CEP350: variants seen among roughly 807,000 people sequenced by gnomAD.
CEP350 encodes the protein centrosomal protein 350.
A neutral mutation model predicts 331.8 loss-of-function variants in CEP350; 126 were observed. That is an observed-to-expected ratio of 0.38 (90% CI 0.33 to 0.44). CEP350 has a LOEUF of 0.44. Among genes scored for constraint, CEP350 ranks in the 20% least tolerant of loss-of-function variants. The probability of loss-of-function intolerance (pLI) is 1.00; values close to 1 mark genes in which losing one functional copy is unlikely to be tolerated. For synonymous variants in CEP350, 1,200 were observed against 1,259.5 expected (o/e 0.95, Z 1.00); for missense variants, 3,406 against 3,634.6 (o/e 0.94, Z 1.62).
At chr1:180,012,209 AAAT>A (rs1402144640) in intron 9 of CEP350, 134 bp downstream of exon 9, 5 of 762,514 alleles carry the variant, frequency 6.6e-6, no homozygotes, top group Non-Finnish European at 4.2e-6. Flanking sequence ...AAAAAGAAAA[AAAT>A]GTTCTATTGG....
In CEP350 at chr1:180,113,582, AAAG is replaced by A. The variant is rs1346694359; in HGVS notation, c.*2424_*2426del. The stretch of plus-strand genomic sequence containing the variant: ...TAGTTTGGTAGCAAAAAAAAAGAAA[AAAG>A]AATCCATAATTAGCAGATTTCTTAT... On this transcript the variant is annotated 3_prime_UTR_variant, in exon 38 of 38. Transcript: ENST00000367607. 2 of 152,166 alleles carry A rather than the reference AAAG, an allele frequency of 1.3e-5. No homozygotes were observed. The highest frequency in any genetic ancestry group is 2.1e-4 in the South Asian group (1 of 4,824). The allele number at this position is 152,166 out of a possible 1,614,324, so 9.4% of individuals were successfully genotyped here. A position where few individuals can be genotyped will look rare whatever the true frequency, so the allele number is the denominator to read the frequency against.
rs899063301 is a variant in CEP350 at position 180,054,018 on chromosome 1, T to C, written c.5174+84T>C. ...ATTTTAAGATTTTTTTGTTTCCTCATTTCATTTGATTAGAGCAGCCCAGTT... is the reference window on the plus strand; with the variant it reads ...ATTTTAAGATTTTTTTGTTTCCTCACTTCATTTGATTAGAGCAGCCCAGTT... On this transcript the variant is annotated intron_variant, in intron 24 of 37. Coordinates refer to ENST00000367607, the MANE Select transcript of CEP350 (RefSeq NM_014810.5). The C allele has an allele frequency of 2.8e-6, 3 of 1,069,936 alleles. No individual in the cohort carries two copies. The African/African-American group carries it at 4.7e-5, about 17-fold the overall frequency. The allele number at this position is 1,069,936 out of a possible 1,614,324, so 66.3% of individuals were successfully genotyped here. A position where few individuals can be genotyped will look rare whatever the true frequency, so the allele number is the denominator to read the frequency against.
intron 1 of CEP350, among the ~76,000 whole-genome samples, chr1:179,955,371 C>A (rs761654708): frequency 6.6e-6 from 1 of 152,168 alleles, no homozygotes; most frequent in South Asian, 2.1e-4. Flanking sequence ...TCCTTCCTTA[C>A]GTGCCAGTGT....
rs1483491220 is a variant in CEP350 at position 180,060,759 on chromosome 1, T to C, written c.5263-1461T>C. Among the ~76,000 whole-genome samples the C allele has an allele frequency of 2.0e-5, 3 of 152,178 alleles. No homozygotes were observed. The East Asian group carries it at 5.8e-4, about 29-fold the overall frequency. On this transcript the variant is annotated intron_variant, in intron 25 of 37. Transcript: ENST00000367607. ...AAAGGCGTAAATTAGCATGGTGAAATATCAAAAGTGATATCTAGTAAAGCA... is the reference window on the plus strand; with the variant it reads ...AAAGGCGTAAATTAGCATGGTGAAACATCAAAAGTGATATCTAGTAAAGCA...
In CEP350 at chr1:180,113,671, T is replaced by C. The variant is rs947044185; in HGVS notation, c.*2510T>C. The C allele has an allele frequency of 6.6e-6, 1 of 152,056 alleles. No individual in the cohort carries two copies. Among genetic ancestry groups the C allele is most frequent in the African/African-American group, 2.4e-5 (1 of 41,426 alleles). 9.4% of individuals were successfully genotyped at this position (152,056 alleles called of 1,614,324 possible). A position where few individuals can be genotyped will look rare whatever the true frequency, so the allele number is the denominator to read the frequency against. ...TAGGATTAAGAAAGATAGATGTGGA[T>C]ACCCAGCCACTCGTTCCATATTGGT... On this transcript the variant is annotated 3_prime_UTR_variant, in exon 38 of 38. Coordinates refer to ENST00000367607, the MANE Select transcript of CEP350 (RefSeq NM_014810.5).
Position 180,095,697 on chromosome 1 carries a change from G to A in CEP350, c.8686G>A (p.Val2896Ile), listed in dbSNP as rs1280327095. 5.0e-6 allele frequency: 8 copies of A among 1,613,922 alleles called. No individual in the cohort carries two copies. The highest frequency in any genetic ancestry group is 6.8e-6 in the Non-Finnish European group (8 of 1,179,866). Residue 2896 changes from valine (V) to isoleucine (I), a missense_variant, in exon 35 of 38, where the codon GTA becomes ATA. Val to Ile is a conservative substitution (Grantham distance 29, BLOSUM62 3). Coordinates refer to ENST00000367607, the MANE Select transcript of CEP350 (RefSeq NM_014810.5). ...AAAAAATAAGGCAGAAGAAACCATT[G>A]TACCTCTAATGGCAGAACCTAAAAG... ...IQKNKAEETI[V>I]PLMAEPKRVT...
At chr1:180,062,048 T>C (rs1044569146) in intron 25 of CEP350, among the ~76,000 whole-genome samples, 172 bp from the exon 26 acceptor site, 1 of 152,098 alleles carries the variant, frequency 6.6e-6, no homozygotes, top group Admixed American at 6.5e-5. Flanking sequence ...GGTGGGATTA[T>C]ATATGATTTA....
chr1:180,104,044 A>T (rs1020441182), intron 37 of CEP350, among the ~76,000 whole-genome samples: 2 of 139,172 alleles, frequency 1.4e-5, no homozygotes, highest in African/African-American at 5.6e-5. Flanking sequence ...TACAAAATAT[A>T]TACAAATATA....
intron 27 of CEP350, chr1:180,074,022 TTATCAAA>T (rs1289825653): frequency 9.0e-6 from 8 of 889,930 alleles, no homozygotes; most frequent in Non-Finnish European, 1.2e-5. Flanking sequence ...TGGAGGCCTC[TTATCAAA>T]TGTCCCATAA....
chr1:180,048,390 C>T (rs1019836982), intron 21 of CEP350, 146 bp from the exon 22 acceptor site: 13 of 589,426 alleles, frequency 2.2e-5, no homozygotes, highest in African/African-American at 3.8e-5. Flanking sequence ...ACTTATGTTA[C>T]TTAGCTTTTT....
chr1:180,060,209 A>G (rs550336765), intron 25 of CEP350, among the ~76,000 whole-genome samples: 1 of 152,368 alleles, frequency 6.6e-6, no homozygotes, highest in East Asian at 1.9e-4. Context: ...ACAGGGTCTC[A>G]AGACTTCCAG....
chr1:180,094,122 G>A lies in CEP350; in HGVS notation c.8017G>A (p.Ala2673Thr). The change falls in exon 34 of 38, where the codon GCC becomes ACC. Residue 2673 changes from alanine to threonine, a missense_variant. Around this residue, in one of 5 missense-constraint regions of CEP350, gnomAD observed 1,415 missense variants for 1,512.3 expected, o/e 0.94. Coordinates refer to ENST00000367607, the MANE Select transcript of CEP350 (RefSeq NM_014810.5). ...GGAAAACAAAGACCTCATTTCTGATGCCACAGAAAAGGTTTCCATCGCTGC... is the reference window on the plus strand; with the variant it reads ...GGAAAACAAAGACCTCATTTCTGATACCACAGAAAAGGTTTCCATCGCTGC... Reference protein sequence around the residue: ...SKENKDLISDATEKVSIAAED... With the variant: ...SKENKDLISDTTEKVSIAAED... The A allele has an allele frequency of 6.2e-7, 1 of 1,613,816 alleles. No homozygotes were observed. The highest frequency in any genetic ancestry group is 8.5e-7 in the Non-Finnish European group (1 of 1,179,800).
chr1:180,071,353 A>G (rs1571955090), intron 27 of CEP350, among the ~76,000 whole-genome samples: 1 of 145,806 alleles, frequency 6.9e-6, no homozygotes, highest in Non-Finnish European at 1.5e-5. Flanking sequence ...CAGCTACTCA[A>G]GAGGCTGAGG....
At chr1:180,038,356 T>G (rs1656512316) in intron 17 of CEP350, among the ~76,000 whole-genome samples, 1 of 152,246 alleles carries the variant, frequency 6.6e-6, no homozygotes, top group Non-Finnish European at 1.5e-5. Context: ...TATGAACATT[T>G]TTAAACAACT....
intron 7 of CEP350, among the ~76,000 whole-genome samples, chr1:180,004,907 C>CTT (rs1654139371): frequency 5.5e-5 from 2 of 36,280 alleles, no homozygotes; most frequent in African/African-American, 8.5e-5. Flanking sequence ...TGCTTGCTTG[C>CTT]TTTCTTTCTT....
rs755914331 is a variant in CEP350, at chr1:180,024,510, G to A, written c.3478G>A (p.Ala1160Thr). 5.6e-6 allele frequency: 9 copies of A among 1,613,468 alleles called. No homozygotes were observed. In the Admixed American group the frequency reaches 1.2e-4, roughly 21 times the overall value. Reference sequence around the variant, plus strand: ...TGTTACCTCCCAGCATTCATCAGGAGCCCAGTCTGCTGCATCGTCTCGTTC... The same window carrying A: ...TGTTACCTCCCAGCATTCATCAGGAACCCAGTCTGCTGCATCGTCTCGTTC... Reference protein sequence around the residue: ...VDVTSQHSSGAQSAASSRSST... With the variant: ...VDVTSQHSSGTQSAASSRSST... The change falls in exon 14 of 38, where the codon GCC (alanine) becomes ACC (threonine). Residue 1160 changes from alanine (A) to threonine (T), a missense_variant. Around this residue, in one of 5 missense-constraint regions of CEP350, gnomAD observed 1,857 missense variants for 1,909.2 expected, o/e 0.97. Coordinates refer to ENST00000367607, the MANE Select transcript of CEP350 (RefSeq NM_014810.5).
intron 37 of CEP350, among the ~76,000 whole-genome samples, chr1:180,100,515 A>G (rs1327425548): frequency 6.6e-6 from 1 of 152,228 alleles, no homozygotes. Flanking sequence ...ATATACATTG[A>G]GTCAAAAATT....
At chr1:180,066,867 C>G (rs1236363397) in intron 27 of CEP350, among the ~76,000 whole-genome samples, 1 of 152,140 alleles carries the variant, frequency 6.6e-6, no homozygotes, top group Admixed American at 6.5e-5. Flanking sequence ...AGATTTTTAT[C>G]ACTAATTTGA....
At chr1:179,999,967 G>A (rs1199384401) in intron 6 of CEP350, among the ~76,000 whole-genome samples, 1 of 151,824 alleles carries the variant, frequency 6.6e-6, no homozygotes, top group African/African-American at 2.4e-5. Context: ...TTTCTTCCTG[G>A]TATAAATGCC....
Sources: gnomAD v4.1 joint callset for allele counts (sites outside exome capture counted in the v4.1 genomes callset) on GRCh38, gnomAD v4.1.1 for gene constraint, gnomAD v4.1.1 regional missense constraint, MANE v1.5 for transcripts, NCBI Gene and HGNC (gene_info 2026-07-23, HGNC 2026-07-21) for gene names.